The following GALNT18 variants were observed in gnomAD, a reference collection of about 807,000 sequenced individuals.
GALNT18 encodes the protein GalNAc-transferase 18.
GALNT18 carries 44 observed loss-of-function variants against 69.5 expected under a neutral mutation model. The ratio of observed to expected loss-of-function variants is 0.63; its 90% CI spans 0.50 to 0.81. GALNT18 has a LOEUF of 0.81. Among genes scored for constraint, GALNT18 ranks in the 40% least tolerant of loss-of-function variants. The pLI is 0.00. For synonymous variants in GALNT18, 364 were observed against 318.2 expected (o/e 1.14, Z -1.53); for missense variants, 715 against 810.0 (o/e 0.88, Z 1.42).
At chr11:11,476,677 G>C (rs34203081) in intron 1 of GALNT18, among the ~76,000 whole-genome samples, 7,114 of 152,176 alleles carry the variant, frequency 0.047, 294 homozygotes, top group Non-Finnish European at 0.069. Context: ...CTTTTCAGGA[G>C]CGATTGCTCA....
chr11:11,320,644 G>A lies in GALNT18; in HGVS notation c.1512+6442C>T, dbSNP rs759133498. ...CTTCCATGAGCAGTGAACTTCTTGC[G>A]GGCTGGAAGATGACTTTGGGAAGCC... On this transcript the variant is annotated intron_variant, in intron 9 of 10. Coordinates refer to ENST00000227756, the MANE Select transcript of GALNT18 (RefSeq NM_198516.3). The surrounding 1 kb of genome is among the most constrained non-coding windows in gnomAD (Gnocchi z 4.9). 2.6e-5 allele frequency among the ~76,000 whole-genome samples: 4 copies of A among 152,064 alleles called. No individual in the cohort carries two copies. Among genetic ancestry groups the A allele is most frequent in the Admixed American group, 6.5e-5 (1 of 15,282 alleles).
intron 3 of GALNT18, among the ~76,000 whole-genome samples, chr11:11,379,873 T>C (rs1474753607): frequency 1.3e-5 from 2 of 152,264 alleles, no homozygotes; most frequent in African/African-American, 4.8e-5. Flanking sequence ...TTGATGCCTC[T>C]GCTTCTTCAT....
intron 9 of GALNT18, among the ~76,000 whole-genome samples, chr11:11,293,843 G>A (rs1165906282): frequency 1.3e-5 from 2 of 152,148 alleles, no homozygotes; most frequent in Non-Finnish European, 2.9e-5. Context: ...AATATTTCAT[G>A]TCAGATACTG....
Position 11,377,960 on chromosome 11 carries a change from C to G in GALNT18, c.780-581G>C, listed in dbSNP as rs1853814757. Among the ~76,000 whole-genome samples the G allele has an allele frequency of 6.6e-6, 1 of 152,168 alleles. No homozygotes were observed. The highest frequency in any genetic ancestry group is 6.5e-5 in the Admixed American group (1 of 15,286). On this transcript the variant is annotated intron_variant, in intron 4 of 10. Transcript: ENST00000227756. The surrounding 1 kb of genome is among the most constrained non-coding windows in gnomAD (Gnocchi z 4.6). ...GGGCTTTCCCAGGGAGCTGGGAGAC[C>G]CTTGAAGGCACCAGGCGAGTAAAGT...
At chr11:11,360,594 G>A (rs1198591884) in intron 6 of GALNT18, among the ~76,000 whole-genome samples, 1 of 151,684 alleles carries the variant, frequency 6.6e-6, no homozygotes, top group Non-Finnish European at 1.5e-5. Context: ...CTAAGATAGG[G>A]TTCTTCTATC....
intron 1 of GALNT18, among the ~76,000 whole-genome samples, chr11:11,453,484 C>T (rs1435946168): frequency 6.6e-6 from 1 of 152,164 alleles, no homozygotes; most frequent in Non-Finnish European, 1.5e-5. Flanking sequence ...AAGTCACTTT[C>T]TCAGCAAACC....
At chr11:11,301,371 T>C (rs1849491446) in intron 9 of GALNT18, among the ~76,000 whole-genome samples, 1 of 152,188 alleles carries the variant, frequency 6.6e-6, no homozygotes, top group South Asian at 2.1e-4. Context: ...GGCAGGCTGA[T>C]TTAAGGGTTT....
rs192995756 is a variant in GALNT18 at position 11,470,503 on chromosome 11, A to G, written c.236-21567T>C. On this transcript the variant is annotated intron_variant, in intron 1 of 10. Transcript: ENST00000227756. This position sits in a 1 kb window ranked among gnomAD's most constrained non-coding sequence, Gnocchi z 4.8. ...CACGCAGTCGGCTAGGCAAGTGAGCATGCTGTAGACCCCATTATTCCTATG... is the reference window on the plus strand; with the variant it reads ...CACGCAGTCGGCTAGGCAAGTGAGCGTGCTGTAGACCCCATTATTCCTATG... Among the ~76,000 whole-genome samples, 29 of 152,304 alleles carry G rather than the reference A, an allele frequency of 1.9e-4. No individual in the cohort carries two copies. In the East Asian group the frequency reaches 5.4e-3, roughly 28 times the overall value.
chr11:11,364,058 G>T (rs986685044), intron 6 of GALNT18, among the ~76,000 whole-genome samples: 1 of 152,128 alleles, frequency 6.6e-6, no homozygotes, highest in African/African-American at 2.4e-5. Flanking sequence ...AAACTAATTG[G>T]TCCCCTTTGG....
rs1158502257 is a variant in GALNT18, at chr11:11,592,752, T to C, written c.235+28607A>G. ...AAAGGGGCTGATTTATTAGGCAGTC[T>C]GGGGCCCATACTGAAAATTTTTTGA... On this transcript the variant is annotated intron_variant, in intron 1 of 10. Transcript: ENST00000227756. The surrounding 1 kb of genome is among the most constrained non-coding windows in gnomAD (Gnocchi z 5.9). Among the ~76,000 whole-genome samples the C allele has an allele frequency of 2.6e-5, 4 of 152,194 alleles. No homozygotes were observed. The East Asian group carries it at 7.7e-4, about 29-fold the overall frequency.
Position 11,596,780 on chromosome 11 carries a change from G to A in GALNT18, c.235+24579C>T, listed in dbSNP as rs1859509902. Among the ~76,000 whole-genome samples, 1 of 152,038 alleles carries A rather than the reference G, an allele frequency of 6.6e-6. No individual in the cohort carries two copies. The highest frequency in any genetic ancestry group is 6.5e-5 in the Admixed American group (1 of 15,270). On this transcript the variant is annotated intron_variant, in intron 1 of 10. Transcript: ENST00000227756. This position sits in a 1 kb window ranked among gnomAD's most constrained non-coding sequence, Gnocchi z 4.2. ...TGGATTCCCTAGGATACATGATTAT[G>A]TCATCTGCAAACAGAGATAGTTTTA...
At chr11:11,449,708 C>A (rs1014696189) in intron 1 of GALNT18, among the ~76,000 whole-genome samples, 1 of 152,210 alleles carries the variant, frequency 6.6e-6, no homozygotes, top group African/African-American at 2.4e-5. Flanking sequence ...GTCACACAGT[C>A]GTGGATTCCA....
intron 10 of GALNT18, among the ~76,000 whole-genome samples, chr11:11,278,364 G>C (rs1314826165): frequency 6.6e-6 from 1 of 150,874 alleles, no homozygotes; most frequent in Non-Finnish European, 1.5e-5. Context: ...GGGCCTGTTG[G>C]TGGGTGGGGG....
intron 6 of GALNT18, among the ~76,000 whole-genome samples, chr11:11,350,989 G>A (rs1411177651): frequency 6.6e-6 from 1 of 152,188 alleles, no homozygotes; most frequent in Non-Finnish European, 1.5e-5. Context: ...AAAGAGGCAA[G>A]GTGACCAAAG....
intron 5 of GALNT18, among the ~76,000 whole-genome samples, chr11:11,375,285 G>T (rs1853718790): frequency 6.6e-6 from 1 of 152,194 alleles, no homozygotes; most frequent in South Asian, 2.1e-4. Context: ...ATCTTCCATA[G>T]AAGTTATTTC....
chr11:11,296,742 A>G (rs11021765), intron 9 of GALNT18, among the ~76,000 whole-genome samples: 36,824 of 152,166 alleles, frequency 0.24, 5,415 homozygotes, highest in Middle Eastern at 0.39. Flanking sequence ...GTCTGGGAAA[A>G]TCATAATGGG....
intron 1 of GALNT18, among the ~76,000 whole-genome samples, chr11:11,589,935 C>T (rs1032979200): frequency 6.6e-6 from 1 of 152,206 alleles, no homozygotes; most frequent in African/African-American, 2.4e-5. Flanking sequence ...AGAACCTGAG[C>T]CAGCCATTAA....
At chr11:11,525,583 A>G (rs1857500620) in intron 1 of GALNT18, among the ~76,000 whole-genome samples, 1 of 151,592 alleles carries the variant, frequency 6.6e-6, no homozygotes, top group South Asian at 2.1e-4. Flanking sequence ...AGGAGGTAGG[A>G]AGGGGAACAG....
intron 1 of GALNT18, among the ~76,000 whole-genome samples, chr11:11,481,011 A>G: frequency 6.6e-6 from 1 of 152,128 alleles, no homozygotes. Flanking sequence ...GCTGTCTTCC[A>G]TCATCTTCTC....
Sources: gnomAD v4.1 joint callset for allele counts (sites outside exome capture counted in the v4.1 genomes callset) on GRCh38, gnomAD v4.1.1 for gene constraint, Gnocchi (gnomAD v3.1) non-coding constraint, MANE v1.5 for transcripts, NCBI Gene and HGNC (gene_info 2026-07-23, HGNC 2026-07-21) for gene names.